Variants in ABCB1 observed in about 807,000 individuals in gnomAD.
ABCB1 encodes ATP binding cassette subfamily B member 1, also known as ATP-dependent translocase ABCB1.
In ABCB1, 69 loss-of-function variants were observed where a neutral mutation model predicts 142.0. The observed-to-expected ratio is 0.49, with a 90% CI of 0.40 to 0.59. ABCB1 has a LOEUF of 0.59. Among genes scored for constraint, ABCB1 ranks in the 20% least tolerant of loss-of-function variants. The pLI, the probability that ABCB1 is intolerant of heterozygous loss-of-function variation, is 0.00. For missense variants in ABCB1, 1,326 were observed against 1,554.7 expected, an observed-to-expected ratio of 0.85 and a Z score of 2.47; for synonymous variants, 532 against 539.2, an observed-to-expected ratio of 0.99 and a Z score of 0.18.
At chr7:87,660,743 T>G (rs1001626742) in intron 1 of ABCB1, among the ~76,000 whole-genome samples, 1 of 151,980 alleles carries the variant, frequency 6.6e-6, no homozygotes, top group Non-Finnish European at 1.5e-5. Flanking sequence ...TTGGCTAAAT[T>G]TATGTTTGAG....
chr7:87,530,932 A>G (rs1020418481), intron 21 of ABCB1, among the ~76,000 whole-genome samples: 5 of 151,842 alleles, frequency 3.3e-5, no homozygotes, highest in Non-Finnish European at 2.9e-5. Flanking sequence ...AAAGAAAAGA[A>G]GGAAAGAAGG....
intron 1 of ABCB1, among the ~76,000 whole-genome samples, chr7:87,653,675 C>A: frequency 6.6e-6 from 1 of 151,802 alleles, no homozygotes; most frequent in Admixed American, 6.6e-5. Flanking sequence ...CAAATGCGAG[C>A]CTAATACCAA....
At chr7:87,628,616 TGTGTGTGTG>T in intron 1 of ABCB1, 1 of 315,420 alleles carries the variant, frequency 3.2e-6, no homozygotes, top group Non-Finnish European at 5.7e-6. Flanking sequence ...TGTGTGTGTG[TGTGTGTGTG>T]GAGCTCGGGT....
chr7:87,565,941 T>A, intron 7 of ABCB1, 129 bp downstream of exon 7: 1 of 1,068,220 alleles, frequency 9.4e-7, no homozygotes, highest in Non-Finnish European at 1.4e-6. Flanking sequence ...CCAGCTGATT[T>A]TGAACAGAAA....
intron 6 of ABCB1, 36 bp from the exon 7 acceptor site, chr7:87,566,277 A>C (rs763471012): frequency 1.1e-5 from 18 of 1,601,500 alleles, no homozygotes; most frequent in Admixed American, 1.7e-5. Context: ...TAATTGTCAG[A>C]ATTGTAAACA....
chr7:87,584,264 C>T (rs1818638181), intron 4 of ABCB1, among the ~76,000 whole-genome samples: 1 of 152,074 alleles, frequency 6.6e-6, no homozygotes, highest in African/African-American at 2.4e-5. Context: ...TCCGTATATA[C>T]CCGAGATTGG....
intron 4 of ABCB1, among the ~76,000 whole-genome samples, chr7:87,570,909 T>C (rs1563057693): frequency 6.6e-6 from 1 of 152,182 alleles, no homozygotes; most frequent in Admixed American, 6.5e-5. Context: ...ATAGTTTACA[T>C]TTAGTGGCCA....
chr7:87,710,701 C>A (rs757610793), intron 1 of ABCB1: 2 of 1,031,892 alleles, frequency 1.9e-6, no homozygotes, highest in Non-Finnish European at 2.9e-6. Context: ...GAAAGAATCA[C>A]CTGAAGACTC....
intron 1 of ABCB1, among the ~76,000 whole-genome samples, chr7:87,616,792 T>C (rs1326864880): frequency 6.6e-6 from 1 of 152,150 alleles, no homozygotes. Flanking sequence ...CTAAGAGCCA[T>C]TTGTATATGC....
At chr7:87,509,227 G>C (rs201151206) in intron 26 of ABCB1, 48 bp downstream of exon 26, 33 of 1,594,074 alleles carry the variant, frequency 2.1e-5, no homozygotes, top group Non-Finnish European at 2.7e-5. Context: ...CTATAGGCCA[G>C]AGAGGCTGCC....
chr7:87,648,174 G>A (rs1464339745), intron 1 of ABCB1, among the ~76,000 whole-genome samples: 1 of 137,802 alleles, frequency 7.3e-6, no homozygotes, highest in Non-Finnish European at 1.5e-5. Context: ...GACAGAGCGA[G>A]ACTCTGTCTC....
At chr7:87,584,611 C>T (rs994981433) in intron 4 of ABCB1, among the ~76,000 whole-genome samples, 16 of 152,294 alleles carry the variant, frequency 1.1e-4, no homozygotes, top group South Asian at 6.2e-4. Context: ...AGTCTATTCA[C>T]TTTCCCACTT....
At chr7:87,676,685 C>G (rs1826390584) in intron 1 of ABCB1, among the ~76,000 whole-genome samples, 1 of 102,516 alleles carries the variant, frequency 9.8e-6, no homozygotes, top group African/African-American at 3.9e-5. Flanking sequence ...GCCTGGGCAA[C>G]AGAGCAAGAC....
At chr7:87,700,710 A>C in intron 1 of ABCB1, 1 of 648,232 alleles carries the variant, frequency 1.5e-6, no homozygotes, top group East Asian at 2.8e-5. Flanking sequence ...TTCTTGAATT[A>C]TCTAAACTAG....
At chr7:87,607,828 C>T (rs1819710369) in intron 1 of ABCB1, among the ~76,000 whole-genome samples, 1 of 152,014 alleles carries the variant, frequency 6.6e-6, no homozygotes, top group African/African-American at 2.4e-5. Context: ...GAAGATGAGC[C>T]GTGTAAAGTT....
chr7:87,530,790 A>AAGAAAGC (rs1816002114), intron 21 of ABCB1, among the ~76,000 whole-genome samples: 1 of 118,342 alleles, frequency 8.5e-6, no homozygotes, highest in African/African-American at 3.1e-5. Context: ...GAAAGAAAAG[A>AAGAAAGC]AAGAAAGCAA....
intron 1 of ABCB1, among the ~76,000 whole-genome samples, chr7:87,677,801 A>G (rs1212070478): frequency 6.6e-6 from 1 of 152,210 alleles, no homozygotes; most frequent in Admixed American, 6.5e-5. Context: ...CCTGCCAGAG[A>G]AATATAATTT....
intron 1 of ABCB1, among the ~76,000 whole-genome samples, chr7:87,619,555 A>T (rs967840235): frequency 5.9e-5 from 9 of 151,580 alleles, no homozygotes; most frequent in Non-Finnish European, 8.8e-5. Flanking sequence ...AAAAAAAAAA[A>T]GTAAACTTGA....
At chr7:87,592,715 CA>C (rs1163646735) in intron 3 of ABCB1, among the ~76,000 whole-genome samples, 1 of 152,152 alleles carries the variant, frequency 6.6e-6, no homozygotes, top group African/African-American at 2.4e-5. Flanking sequence ...ACAAGAATAA[CA>C]CAAGTTCCTA....
Sources: gnomAD v4.1 joint callset for allele counts (sites outside exome capture counted in the v4.1 genomes callset) on GRCh38, gnomAD v4.1.1 for gene constraint, MANE v1.5 for transcripts, NCBI Gene and HGNC (gene_info 2026-07-23, HGNC 2026-07-21) for gene names.